YWHAG: variants seen among roughly 807,000 people sequenced by gnomAD.
YWHAG encodes the protein tyrosine 3-monooxygenase/tryptophan 5-monooxygenase activation protein gamma.
In YWHAG, 1 loss-of-function variant was observed where a neutral mutation model predicts 23.3. That is an observed-to-expected ratio of 0.04 (90% CI 0.02 to 0.20). The LOEUF (loss-of-function observed/expected upper bound fraction) is 0.20. Ranked by LOEUF, YWHAG falls within the 10% of genes least tolerant of loss-of-function variation. The pLI, the probability that YWHAG is intolerant of heterozygous loss-of-function variation, is 1.00. For synonymous variants in YWHAG, 160 were observed against 144.0 expected (o/e 1.11, Z -0.80); for missense variants, 151 against 338.6 (o/e 0.45, Z 4.35).
At chr7:76,344,099 T>G (rs1803740863) in intron 1 of YWHAG, among the ~76,000 whole-genome samples, 1 of 152,116 alleles carries the variant, frequency 6.6e-6, no homozygotes, top group Non-Finnish European at 1.5e-5. Flanking sequence ...GTACAGGACT[T>G]TAAGCAAACA....
At chr7:76,346,348 T>C (rs1314028789) in intron 1 of YWHAG, among the ~76,000 whole-genome samples, 1 of 152,252 alleles carries the variant, frequency 6.6e-6, no homozygotes. Context: ...TTGTTCTGCA[T>C]GGTTCCAACA....
At chr7:76,344,430 T>G (rs1186530658) in intron 1 of YWHAG, among the ~76,000 whole-genome samples, 1 of 152,010 alleles carries the variant, frequency 6.6e-6, no homozygotes, top group African/African-American at 2.4e-5. Flanking sequence ...CTCACCTAAC[T>G]CCATATCAGG....
chr7:76,340,181 T>G lies in YWHAG; in HGVS notation c.88-9948A>C, dbSNP rs140455787. Among the ~76,000 whole-genome samples, 665 of 152,336 alleles carry G rather than the reference T, an allele frequency of 4.4e-3. 4 individuals carry two copies. Among genetic ancestry groups the G allele is most frequent in the Non-Finnish European group, 6.7e-3 (459 of 68,028 alleles). On this transcript the variant is annotated intron_variant, in intron 1 of 1. Coordinates refer to ENST00000307630, the MANE Select transcript of YWHAG (RefSeq NM_012479.4). ...TTTGATTGTGCCCCTAACTCACACA[T>G]TGTGCAAGGGGCAACTGTATGGATC... is the stretch of plus-strand genomic sequence containing the variant.
chr7:76,351,252 G>A (rs772120839), intron 1 of YWHAG, among the ~76,000 whole-genome samples: 1 of 152,060 alleles, frequency 6.6e-6, no homozygotes, highest in Non-Finnish European at 1.5e-5. Context: ...AATAGGCATG[G>A]CATTCCAAGA....
intron 1 of YWHAG, among the ~76,000 whole-genome samples, chr7:76,334,902 G>A (rs370425565): frequency 6.6e-6 from 1 of 152,144 alleles, no homozygotes; most frequent in East Asian, 1.9e-4. Context: ...TTCTACGAAT[G>A]CAACACTTGT....
chr7:76,338,100 G>A (rs1803641538), intron 1 of YWHAG, among the ~76,000 whole-genome samples: 1 of 152,030 alleles, frequency 6.6e-6, no homozygotes, highest in Non-Finnish European at 1.5e-5. Flanking sequence ...ACAACGTGAA[G>A]ACACAAAACA....
intron 1 of YWHAG, among the ~76,000 whole-genome samples, chr7:76,330,858 G>A (rs2961035): frequency 0.17 from 26,254 of 152,106 alleles, 2,805 homozygotes; most frequent in East Asian, 0.33. Flanking sequence ...AGAACGAGGC[G>A]AGCACAGCGC....
chr7:76,342,480 A>T (rs1408616231), intron 1 of YWHAG, among the ~76,000 whole-genome samples: 1 of 152,078 alleles, frequency 6.6e-6, no homozygotes, highest in Non-Finnish European at 1.5e-5. Context: ...CAAGTACTTG[A>T]CTTCTTCATA....
chr7:76,332,552 ACT>A (rs1368182796), intron 1 of YWHAG, among the ~76,000 whole-genome samples: 4 of 152,034 alleles, frequency 2.6e-5, no homozygotes, highest in Non-Finnish European at 5.9e-5. Context: ...ACATGGTCTT[ACT>A]CTGTTTCCCA....
intron 1 of YWHAG, among the ~76,000 whole-genome samples, chr7:76,349,202 C>A (rs1442127247): frequency 6.6e-6 from 1 of 151,604 alleles, no homozygotes; most frequent in East Asian, 1.9e-4. Context: ...GTTAGCCGGG[C>A]GTGGTGGTGG....
Position 76,328,520 on chromosome 7 carries a change from G to C in YWHAG, c.*1057C>G, listed in dbSNP as rs771660558. 6.6e-6 allele frequency: 1 copy of C among 152,174 alleles called. No individual in the cohort carries two copies. Among genetic ancestry groups the C allele is most frequent in the African/African-American group, 2.4e-5 (1 of 41,414 alleles). 9.4% of individuals were successfully genotyped at this position (152,174 alleles called of 1,614,324 possible). ...CTGAATTTTCACACACTGCACCACA[G>C]ACCTTCTCCAAACGCCTCTCCGACC... is the stretch of plus-strand genomic sequence containing the variant. On this transcript the variant is annotated 3_prime_UTR_variant, in exon 2 of 2. Transcript: ENST00000307630.
intron 1 of YWHAG, among the ~76,000 whole-genome samples, chr7:76,351,951 T>G (rs767985426): frequency 1.3e-5 from 2 of 152,000 alleles, no homozygotes; most frequent in African/African-American, 4.8e-5. Flanking sequence ...GCCAAAAAGG[T>G]TGGGGACCAC....
intron 1 of YWHAG, among the ~76,000 whole-genome samples, chr7:76,330,890 C>T (rs904877372): frequency 6.6e-6 from 1 of 152,208 alleles, no homozygotes; most frequent in Non-Finnish European, 1.5e-5. Context: ...CAACAGGAAT[C>T]AATGCTTCTC....
At chr7:76,337,689 C>G (rs1803635401) in intron 1 of YWHAG, among the ~76,000 whole-genome samples, 1 of 151,944 alleles carries the variant, frequency 6.6e-6, no homozygotes, top group Non-Finnish European at 1.5e-5. Flanking sequence ...CGCCCACCAC[C>G]ACACCCAGCT....
At chr7:76,344,771 CCA>C (rs907597450) in intron 1 of YWHAG, among the ~76,000 whole-genome samples, 1 of 152,198 alleles carries the variant, frequency 6.6e-6, no homozygotes, top group Non-Finnish European at 1.5e-5. Context: ...TTACCCCAAA[CCA>C]CACTCTTGAC....
chr7:76,358,777 G>C lies in YWHAG; in HGVS notation c.32C>G (p.Ala11Gly), dbSNP rs780642467. The change falls in exon 1 of 2, where the codon GCC (alanine) becomes GGC (glycine). Residue 11 changes from alanine (A) to glycine (G), a missense_variant. Ala to Gly is a moderately conservative substitution (Grantham distance 60, BLOSUM62 0). Coordinates refer to ENST00000307630, the MANE Select transcript of YWHAG (RefSeq NM_012479.4). ...GCGCTCCGCCTGCTCGGCCAGCCGGGCTTTCTGCACCAGTTGCTCGCGGTC... is the reference window on the plus strand; with the variant it reads ...GCGCTCCGCCTGCTCGGCCAGCCGGCCTTTCTGCACCAGTTGCTCGCGGTC... MVDREQLVQK[A>G]RLAEQAERYD... 5.0e-6 allele frequency: 8 copies of C among 1,597,226 alleles called. No homozygotes were observed. In the Admixed American group the frequency reaches 8.7e-5, roughly 17 times the overall value.
chr7:76,338,827 C>T (rs1164457945), intron 1 of YWHAG, among the ~76,000 whole-genome samples: 7 of 152,184 alleles, frequency 4.6e-5, no homozygotes, highest in Non-Finnish European at 8.8e-5. Flanking sequence ...GTAACAGGCA[C>T]GTATCCACTG....
At chr7:76,348,169 T>C (rs979038346) in intron 1 of YWHAG, among the ~76,000 whole-genome samples, 7 of 151,974 alleles carry the variant, frequency 4.6e-5, no homozygotes, top group African/African-American at 1.2e-4. Context: ...CTAAAATTAA[T>C]TGAAAGAGAT....
chr7:76,328,826 G>GCCGAGCACCTATGAACCGAAA lies in YWHAG; in HGVS notation c.*750_*751insTTTCGGTTCATAGGTGCTCGG, dbSNP rs11270080. On this transcript the variant is annotated 3_prime_UTR_variant, in exon 2 of 2. Transcript: ENST00000307630. ...AAAAAAAAAAATCCCACAGCCACCT[G>GCCGAGCACCTATGAACCGAAA]ACCTGAAGTCGCTTTCATTCTCATT... The GCCGAGCACCTATGAACCGAAA allele has an allele frequency of 6.6e-6, 1 of 151,500 alleles. No homozygotes were observed. Among genetic ancestry groups the GCCGAGCACCTATGAACCGAAA allele is most frequent in the Non-Finnish European group, 1.5e-5 (1 of 67,958 alleles). The allele number at this position is 151,500 out of a possible 1,614,324, so 9.4% of individuals were successfully genotyped here.
Sources: allele counts gnomAD v4.1 joint callset (sites outside exome capture counted in the v4.1 genomes callset), GRCh38; gene constraint gnomAD v4.1.1; transcripts MANE v1.5; gene names NCBI Gene and HGNC (gene_info 2026-07-23, HGNC 2026-07-21).